The following MPND variants were observed in gnomAD, a reference collection of about 807,000 sequenced individuals.
The protein encoded by MPND is MPN domain-containing protein.
In MPND, 56 loss-of-function variants were observed where a neutral mutation model predicts 59.2. The observed-to-expected ratio is 0.95, with a 90% CI of 0.76 to 1.18. The LOEUF is 1.18. MPND is among the 50% of genes most tolerant of loss of function. MPND has a pLI of 0.00. For synonymous variants in MPND, 323 were observed against 291.9 expected (o/e 1.11, Z -1.09); for missense variants, 671 against 676.0 (o/e 0.99, Z 0.08).
At chr19:4,352,172 CAAAG>C (rs1014369206) in intron 3 of MPND, among the ~76,000 whole-genome samples, 12 of 147,346 alleles carry the variant, frequency 8.1e-5, no homozygotes, top group Non-Finnish European at 1.6e-4. Context: ...GACCGTGTCT[CAAAG>C]AAAAAAAAAA....
intron 3 of MPND, among the ~76,000 whole-genome samples, chr19:4,349,659 C>G (rs11881539): frequency 0.37 from 56,825 of 151,906 alleles, 12,026 homozygotes; most frequent in Non-Finnish European, 0.47. Flanking sequence ...TACAGATGCC[C>G]ACTACCATGC....
chr19:4,347,743 TA>T, intron 3 of MPND: 1 of 771,958 alleles, frequency 1.3e-6, no homozygotes, highest in Non-Finnish European at 2.0e-6. Context: ...CACAAGCACT[TA>T]AAACCCATGA....
chr19:4,357,929 G>A (rs1050366373), intron 10 of MPND, 154 bp from the exon 11 acceptor site: 1 of 650,486 alleles, frequency 1.5e-6, no homozygotes, highest in Admixed American at 2.5e-5. Context: ...ATGCTACACT[G>A]CCTCCCTGGT....
intron 6 of MPND, 101 bp from the exon 7 acceptor site, chr19:4,354,848 A>C: frequency 8.0e-7 from 1 of 1,251,170 alleles, no homozygotes; most frequent in Non-Finnish European, 1.1e-6. Context: ...TGGGCGACAG[A>C]GCAAGACTGA....
At chr19:4,355,440 A>G (rs1310724805) in intron 8 of MPND, among the ~76,000 whole-genome samples, 1 of 147,854 alleles carries the variant, frequency 6.8e-6, no homozygotes, top group Non-Finnish European at 1.5e-5. Flanking sequence ...GGTTCACGCC[A>G]TTCTCCTGCC....
chr19:4,355,857 CTTTTTT>C (rs56331661), intron 8 of MPND, among the ~76,000 whole-genome samples: 1 of 142,638 alleles, frequency 7.0e-6, no homozygotes, highest in Non-Finnish European at 1.5e-5. Flanking sequence ...TGCGCCCGGC[CTTTTTT>C]TTTTTTTTCT....
intron 2 of MPND, among the ~76,000 whole-genome samples, chr19:4,344,217 C>T (rs1972136074): frequency 6.6e-6 from 1 of 151,382 alleles, no homozygotes; most frequent in African/African-American, 2.4e-5. Flanking sequence ...AACTGAGGCT[C>T]GGAGCTCTCT....
rs564899029 is a variant in MPND at position 4,357,126 on chromosome 19, T to C, written c.997-127T>C. 7.3e-5 allele frequency: 74 copies of C among 1,012,794 alleles called. No homozygotes were observed. In the East Asian group the frequency reaches 2.0e-3, roughly 28 times the overall value. 62.7% of individuals were successfully genotyped at this position (1,012,794 alleles called of 1,614,324 possible). A position where few individuals can be genotyped will look rare whatever the true frequency, so the allele number is the denominator to read the frequency against. On this transcript the variant is annotated intron_variant, in intron 8 of 12. Coordinates refer to ENST00000599840, the MANE Select transcript of MPND (RefSeq NM_001300862.2). ...ACTCAGTGGCGGTGGGGGCAGGGCCTGTCTTGGTCATCACTGTGTCCCCAG... is the reference window on the plus strand; with the variant it reads ...ACTCAGTGGCGGTGGGGGCAGGGCCCGTCTTGGTCATCACTGTGTCCCCAG...
rs763951560 is a variant in MPND at position 4,355,126 on chromosome 19, C to T, written c.949C>T (p.Arg317Trp). 8.1e-6 allele frequency: 13 copies of T among 1,613,592 alleles called. No homozygotes were observed. In the South Asian group the frequency reaches 8.8e-5, roughly 11 times the overall value. ...MLTVLRAFPCRSRLGDAETAA... is the reference protein window; with the variant it reads ...MLTVLRAFPCWSRLGDAETAA... ...GACGGTGCTCAGAGCCTTCCCTTGTCGGAGCCGGCTCGGGGACGCAGAGAC... is the reference window on the plus strand; with the variant it reads ...GACGGTGCTCAGAGCCTTCCCTTGTTGGAGCCGGCTCGGGGACGCAGAGAC... The change falls in exon 8 of 13, where the codon CGG (arginine) becomes TGG (tryptophan). Residue 317 changes from arginine (R) to tryptophan (W), a missense_variant. Arg to Trp is a moderately radical substitution (Grantham distance 101). Transcript: ENST00000599840.
At chr19:4,351,426 G>T (rs913012319) in intron 3 of MPND, among the ~76,000 whole-genome samples, 1 of 152,180 alleles carries the variant, frequency 6.6e-6, no homozygotes. Context: ...ACTGAAAGAC[G>T]TGAAAGCCAC....
intron 3 of MPND, among the ~76,000 whole-genome samples, chr19:4,351,711 A>T (rs958477637): frequency 6.6e-6 from 1 of 151,774 alleles, no homozygotes; most frequent in Non-Finnish European, 1.5e-5. Context: ...AAATACAAAA[A>T]ATTAGCTGGG....
chr19:4,355,633 C>A (rs1174020571), intron 8 of MPND, among the ~76,000 whole-genome samples: 3 of 151,854 alleles, frequency 2.0e-5, no homozygotes, highest in South Asian at 2.1e-4. Flanking sequence ...CCGTGCCCAG[C>A]TAATTTTTTG....
intron 8 of MPND, among the ~76,000 whole-genome samples, chr19:4,355,728 C>T (rs1972424660): frequency 6.6e-6 from 1 of 151,466 alleles, no homozygotes; most frequent in African/African-American, 2.4e-5. Context: ...CTCAGCCTCC[C>T]AAAGTGTTGG....
intron 3 of MPND, 50 bp from the exon 4 acceptor site, chr19:4,352,832 AGCAGGGAGCGGGGGG>A (rs1262579306): frequency 2.3e-6 from 3 of 1,276,602 alleles, no homozygotes; most frequent in Non-Finnish European, 3.0e-6. Flanking sequence ...GGTGGGATTT[AGCAGGGAGCGGGGGG>A]GCACCCAGCT....
chr19:4,359,106 G>T, intron 11 of MPND, 57 bp from the exon 12 acceptor site: 2 of 1,221,912 alleles, frequency 1.6e-6, no homozygotes, highest in Non-Finnish European at 2.4e-6. Context: ...CAGGAGAGGC[G>T]CTGAGGTACC....
chr19:4,354,445 G>A, intron 6 of MPND, 25 bp downstream of exon 6: 1 of 1,547,282 alleles, frequency 6.5e-7, no homozygotes, highest in South Asian at 1.2e-5. Flanking sequence ...CTGTCTAGGG[G>A]CAAGGGGCTC....
chr19:4,348,283 CG>C, intron 3 of MPND: 1 of 111,020 alleles, frequency 9.0e-6, no homozygotes, highest in Non-Finnish European at 1.7e-5. Flanking sequence ...TTTTTTGAGA[CG>C]GAGTCTCGCT....
chr19:4,355,024 G>A lies in MPND; in HGVS notation c.919+3G>A. 6.2e-7 allele frequency: 1 copy of A among 1,607,826 alleles called. No homozygotes were observed. The highest frequency in any genetic ancestry group is 8.5e-7 in the Non-Finnish European group (1 of 1,175,814). On this transcript the variant is annotated splice_donor_region_variant and intron_variant, in intron 7 of 12. Coordinates refer to ENST00000599840, the MANE Select transcript of MPND (RefSeq NM_001300862.2). ...CCGCTGGGACGTCAACAGCCAGAGT[G>A]GGTATCCAGGGCCAGGTGGGCGGGG...
At position 4,351,723 on chromosome 19, in the gene MPND, G is replaced by A. The variant is rs181348862; in HGVS notation, c.532-1174G>A. ...TAAAAATACAAAAAATTAGCTGGGC[G>A]TGGTGGCACATGCCTATAATCCCAG... On this transcript the variant is annotated intron_variant, in intron 3 of 12. Coordinates refer to ENST00000599840, the MANE Select transcript of MPND (RefSeq NM_001300862.2). Among the ~76,000 whole-genome samples, 489 of 152,042 alleles carry A rather than the reference G, an allele frequency of 3.2e-3. 4 individuals are homozygous for A. The highest frequency in any genetic ancestry group is 0.01 in the African/African-American group (419 of 41,474).
Sources: allele counts gnomAD v4.1 joint callset (sites outside exome capture counted in the v4.1 genomes callset), GRCh38; gene constraint gnomAD v4.1.1; transcripts MANE v1.5; gene names NCBI Gene and HGNC (gene_info 2026-07-23, HGNC 2026-07-21).